GNPNAT1: variants seen among roughly 807,000 people sequenced by gnomAD.
The protein encoded by GNPNAT1 is glucosamine-phosphate N-acetyltransferase 1, also known as glucosamine 6-phosphate N-acetyltransferase.
In GNPNAT1, 11 loss-of-function variants were observed where a neutral mutation model predicts 19.8. That is an observed-to-expected ratio of 0.56 (90% CI 0.35 to 0.92). The LOEUF (loss-of-function observed/expected upper bound fraction) is 0.92. Among genes scored for constraint, GNPNAT1 ranks in the 40% least tolerant of loss-of-function variants. The pLI, the probability that GNPNAT1 is intolerant of heterozygous loss-of-function variation, is 0.01. For missense variants in GNPNAT1, 157 were observed against 211.0 expected (o/e 0.74, Z 1.59); for synonymous variants, 71 against 72.3 (o/e 0.98, Z 0.09).
At position 52,778,453 on chromosome 14, in the gene GNPNAT1, A is replaced by G. The variant is rs1479454917; in HGVS notation, c.413T>C (p.Leu138Ser). The G allele has an allele frequency of 1.9e-6, 3 of 1,603,414 alleles. No individual in the cohort carries two copies. The highest frequency in any genetic ancestry group is 1.1e-5 in the South Asian group (1 of 89,180). The part of the protein sequence containing the change: ...CRGKQLGKLL[L>S]STLTLLSKKL... ...CTTGCTTAGCAAAGTAAGGGTTGATAATAACCTGAAATTTAAAAAGGGGGT... is the reference window on the plus strand; with the variant it reads ...CTTGCTTAGCAAAGTAAGGGTTGATGATAACCTGAAATTTAAAAAGGGGGT... The change falls in exon 6 of 6, where the codon TTA (leucine) becomes TCA (serine). Residue 138 changes from leucine to serine, a missense_variant. Coordinates refer to ENST00000216410, the MANE Select transcript of GNPNAT1 (RefSeq NM_198066.4).
chr14:52,784,633 A>C lies in GNPNAT1; in HGVS notation c.18T>G (p.Thr6=). ...TGAGTAGACTTGGGTCAAACATAGG[A>C]GTTTCATCAGGTTTCATTTTTCTAG... MKPDE[T]PMFDPSLLKE... Residue 6 remains threonine, a synonymous_variant, in exon 2 of 6, where the codon ACT becomes ACG. Coordinates refer to ENST00000216410, the MANE Select transcript of GNPNAT1 (RefSeq NM_198066.4). The C allele has an allele frequency of 1.9e-6, 3 of 1,563,642 alleles. No individual in the cohort carries two copies. The highest frequency in any genetic ancestry group is 2.6e-6 in the Non-Finnish European group (3 of 1,154,170).
At chr14:52,786,611 C>A (rs1001886287) in intron 1 of GNPNAT1, among the ~76,000 whole-genome samples, 4 of 152,048 alleles carry the variant, frequency 2.6e-5, no homozygotes, top group Admixed American at 2.6e-4. Flanking sequence ...CATGATATTT[C>A]CCCCTCTTTT....
At position 52,791,072 on chromosome 14, in the gene GNPNAT1, A is replaced by G. The variant is rs1392043744; in HGVS notation, c.-15+356T>C. Among the ~76,000 whole-genome samples, 1 of 152,070 alleles carries G rather than the reference A, an allele frequency of 6.6e-6. No individual in the cohort carries two copies. The highest frequency in any genetic ancestry group is 1.5e-5 in the Non-Finnish European group (1 of 68,004). ...GGACGTTCGTGCCCATTCAAAACCG[A>G]TGGCTGCAGAGAGCGCGACCAACTG... On this transcript the variant is annotated intron_variant, in intron 1 of 5. Transcript: ENST00000216410. This position sits in a 1 kb window ranked among gnomAD's most constrained non-coding sequence, Gnocchi z 4.1.
chr14:52,784,863 A>G (rs1027487586), intron 1 of GNPNAT1, among the ~76,000 whole-genome samples, 199 bp from the exon 2 acceptor site: 1 of 152,256 alleles, frequency 6.6e-6, no homozygotes, highest in East Asian at 1.9e-4. Context: ...CTATCAGATA[A>G]AAAAATGGCT....
At chr14:52,781,129 A>G (rs1882884280) in intron 4 of GNPNAT1, among the ~76,000 whole-genome samples, 1 of 152,158 alleles carries the variant, frequency 6.6e-6, no homozygotes, top group South Asian at 2.1e-4. Flanking sequence ...TGTTTTGGCT[A>G]TGTCCCCAAC....
rs749791726 is a variant in GNPNAT1 at position 52,783,503 on chromosome 14, A to G, written c.155-18T>C. On this transcript the variant is annotated intron_variant, in intron 2 of 5. Coordinates refer to ENST00000216410, the MANE Select transcript of GNPNAT1 (RefSeq NM_198066.4). Reference sequence around the variant, plus strand: ...AAAAAAACCTAGTTTTGAAAAACAGATTTCAAATTACGAGAATAGCAAAAG... The same window carrying G: ...AAAAAAACCTAGTTTTGAAAAACAGGTTTCAAATTACGAGAATAGCAAAAG... The G allele has an allele frequency of 1.0e-5, 16 of 1,549,310 alleles. No homozygotes were observed. The South Asian group carries it at 1.8e-4, about 17-fold the overall frequency.
Position 52,785,082 on chromosome 14 carries a change from C to T in GNPNAT1, c.-14-418G>A, listed in dbSNP as rs187985049. ...CTGGGATTATAGGCACGTGACACCACGCCCGGCTAATTTTTTTGTATTTTT... is the reference window on the plus strand; with the variant it reads ...CTGGGATTATAGGCACGTGACACCATGCCCGGCTAATTTTTTTGTATTTTT... On this transcript the variant is annotated intron_variant, in intron 1 of 5. Coordinates refer to ENST00000216410, the MANE Select transcript of GNPNAT1 (RefSeq NM_198066.4). Among the ~76,000 whole-genome samples, 17 of 152,024 alleles carry T rather than the reference C, an allele frequency of 1.1e-4. 1 individual carries two copies. The highest frequency in any genetic ancestry group is 5.2e-4 in the Admixed American group (8 of 15,270).
intron 2 of GNPNAT1, among the ~76,000 whole-genome samples, chr14:52,783,996 A>G (rs1882953435): frequency 1.3e-5 from 2 of 152,180 alleles, no homozygotes; most frequent in African/African-American, 4.8e-5. Flanking sequence ...ACTTTCCTAC[A>G]CTCAATAATT....
At chr14:52,784,691 C>A in intron 1 of GNPNAT1, 27 bp from the exon 2 acceptor site, 3 of 1,000,122 alleles carry the variant, frequency 3.0e-6, no homozygotes, top group South Asian at 3.5e-5. Context: ...AATATTAAGT[C>A]ACTTTATTTA....
intron 5 of GNPNAT1, among the ~76,000 whole-genome samples, chr14:52,779,744 A>C (rs897907035): frequency 2.6e-5 from 4 of 151,008 alleles, no homozygotes; most frequent in African/African-American, 9.7e-5. Flanking sequence ...AAAAAAAAAA[A>C]AAAAAACATA....
intron 5 of GNPNAT1, among the ~76,000 whole-genome samples, chr14:52,778,880 T>A (rs1383327636): frequency 6.6e-6 from 1 of 152,150 alleles, no homozygotes; most frequent in Non-Finnish European, 1.5e-5. Flanking sequence ...TAGGGCATGA[T>A]GGCACATGCC....
intron 1 of GNPNAT1, among the ~76,000 whole-genome samples, chr14:52,788,290 C>T (rs192743374): frequency 8.6e-5 from 13 of 151,366 alleles, no homozygotes; most frequent in Non-Finnish European, 1.8e-4. Context: ...CATACCACCA[C>T]GCCTGGCTAA....
intron 5 of GNPNAT1, among the ~76,000 whole-genome samples, chr14:52,779,472 T>C (rs1215861787): frequency 6.6e-6 from 1 of 152,088 alleles, no homozygotes; most frequent in East Asian, 1.9e-4. Context: ...CAGTGGCTCA[T>C]GCCTGTAATT....
chr14:52,781,700 T>C (rs1882897789), intron 4 of GNPNAT1, 84 bp downstream of exon 4: 2 of 1,304,164 alleles, frequency 1.5e-6, no homozygotes, highest in Non-Finnish European at 1.1e-6. Flanking sequence ...TGAAAATCAA[T>C]GAGAAAACAG....
chr14:52,785,328 G>T (rs1268282417), intron 1 of GNPNAT1, among the ~76,000 whole-genome samples: 1 of 152,048 alleles, frequency 6.6e-6, no homozygotes, highest in Non-Finnish European at 1.5e-5. Context: ...TATGTTCTTG[G>T]ATTTTATTAT....
intron 1 of GNPNAT1, among the ~76,000 whole-genome samples, chr14:52,789,197 C>G (rs1883092612): frequency 6.6e-6 from 1 of 152,192 alleles, no homozygotes; most frequent in Admixed American, 6.6e-5. Context: ...ACCCTGCTGC[C>G]ACTGTTTTGA....
In GNPNAT1 at chr14:52,778,365, CT is replaced by C. The variant is rs1439973941; in HGVS notation, c.500del (p.Lys167SerfsTer17). 6.2e-7 allele frequency: 1 copy of C among 1,606,752 alleles called. No individual in the cohort carries two copies. On this transcript the variant is annotated frameshift_variant, in exon 6 of 6. Transcript: ENST00000216410. LOFTEE classifies it high-confidence loss of function. ...CLPQNVGFYKKFGYTVSEENY... is the reference protein window; with the variant it reads ...CLPQNVGFYKXFGYTVSEENY... ...TTTCTTCAGATACAGTATATCCAAA[CT>C]TTTTATAGAAACCAACATTTTGTGG... is the stretch of plus-strand genomic sequence containing the variant.
intron 2 of GNPNAT1, 76 bp from the exon 3 acceptor site, chr14:52,783,561 C>A: frequency 1.1e-6 from 1 of 926,144 alleles, no homozygotes; most frequent in South Asian, 1.4e-5. Context: ...ATATATTAAG[C>A]AGGTGGGCTT....
rs1882716187 is a variant in GNPNAT1, at chr14:52,776,250, A to G, written c.*2061T>C. The G allele has an allele frequency of 6.6e-6, 1 of 151,198 alleles. No homozygotes were observed. Among genetic ancestry groups the G allele is most frequent in the Non-Finnish European group, 1.5e-5 (1 of 67,720 alleles). 9.4% of individuals were successfully genotyped at this position (151,198 alleles called of 1,614,324 possible). A position where few individuals can be genotyped will look rare whatever the true frequency, so the allele number is the denominator to read the frequency against. Reference sequence around the variant, plus strand: ...CCTGCTCCACAAGGAGCAGTTTTTAAAAAAAAAAAGTTTAAGAAGTGTTTT... The same window carrying G: ...CCTGCTCCACAAGGAGCAGTTTTTAGAAAAAAAAAGTTTAAGAAGTGTTTT... On this transcript the variant is annotated 3_prime_UTR_variant, in exon 6 of 6. Transcript: ENST00000216410.
Sources: allele counts gnomAD v4.1 joint callset (sites outside exome capture counted in the v4.1 genomes callset), GRCh38; gene constraint gnomAD v4.1.1; non-coding constraint Gnocchi (gnomAD v3.1); transcripts MANE v1.5; gene names NCBI Gene and HGNC (gene_info 2026-07-23, HGNC 2026-07-21).